The following CRELD1 variants were observed in gnomAD, a reference collection of about 807,000 sequenced individuals.
CRELD1 encodes CRELD disulfide isomerase 1.
CRELD1 carries 42 observed loss-of-function variants against 58.2 expected under a neutral mutation model. That is an observed-to-expected ratio of 0.72 (90% CI 0.56 to 0.93). The LOEUF (loss-of-function observed/expected upper bound fraction) is 0.93. CRELD1 is among the 40% of genes least tolerant of loss of function. The probability of loss-of-function intolerance (pLI) is 0.00; values close to 1 mark genes in which losing one functional copy is unlikely to be tolerated. For synonymous variants in CRELD1, 222 were observed against 202.0 expected, an observed-to-expected ratio of 1.10 and a Z score of -0.84; for missense variants, 500 against 540.6, an observed-to-expected ratio of 0.92 and a Z score of 0.74.
intron 5 of CRELD1, among the ~76,000 whole-genome samples, chr3:9,940,528 CGTG>C (rs2085331076): frequency 6.6e-6 from 1 of 151,646 alleles, no homozygotes; most frequent in Non-Finnish European, 1.5e-5. Flanking sequence ...ACCAGTCAGG[CGTG>C]GTGGCGCGCG....
At chr3:9,939,644 T>G (rs1200701524) in intron 5 of CRELD1, among the ~76,000 whole-genome samples, 1 of 152,228 alleles carries the variant, frequency 6.6e-6, no homozygotes, top group African/African-American at 2.4e-5. Flanking sequence ...AGCACAGGGT[T>G]GGGGATAAGG....
Position 9,937,769 on chromosome 3 carries a change from C to A in CRELD1, c.368+97C>A, listed in dbSNP as rs149631051. The stretch of plus-strand genomic sequence containing the variant: ...GAAGCAGGGGGGTGCATGCTGGGGC[C>A]CATGTCCTGGTTGTGCTCCTTCCAA... On this transcript the variant is annotated intron_variant, in intron 4 of 10. Coordinates refer to ENST00000452070, the MANE Select transcript of CRELD1 (RefSeq NM_001077415.3). The A allele has an allele frequency of 9.8e-3, 8,939 of 907,630 alleles. 53 individuals are homozygous for A. The highest frequency in any genetic ancestry group is 0.012 in the Non-Finnish European group (6,549 of 561,310). 56.2% of individuals were successfully genotyped at this position (907,630 alleles called of 1,614,324 possible).
intron 7 of CRELD1, among the ~76,000 whole-genome samples, chr3:9,942,271 C>CA (rs374647905): frequency 0.056 from 6,360 of 114,416 alleles, 233 homozygotes; most frequent in African/African-American, 0.12. Context: ...AACTCCATCT[C>CA]AAAAAAAAAA....
At position 9,941,492 on chromosome 3, in the gene CRELD1, C is replaced by T. The variant is rs377330444; in HGVS notation, c.733+286C>T. On this transcript the variant is annotated intron_variant, in intron 7 of 10. Transcript: ENST00000452070. ...GAGGAGGCGTTACTTTGGCCAAGTC[C>T]TAAAAATTGAGGAAGGGGCTGGGCG... 2.6e-4 allele frequency among the ~76,000 whole-genome samples: 39 copies of T among 152,142 alleles called. 1 individual carries two copies. Among genetic ancestry groups the T allele is most frequent in the East Asian group, 9.6e-4 (5 of 5,182 alleles).
At chr3:9,941,599 G>A (rs900766579) in intron 7 of CRELD1, among the ~76,000 whole-genome samples, 4 of 151,954 alleles carry the variant, frequency 2.6e-5, no homozygotes, top group African/African-American at 7.3e-5. Flanking sequence ...GACCATCCTG[G>A]CTAACATGGT....
rs377654613 is a variant in CRELD1, at chr3:9,938,093, G to T, written c.447G>T (p.Gly149=). The change falls in exon 5 of 11, where the codon GGG becomes GGT. Residue 149 remains glycine, a synonymous_variant. Transcript: ENST00000452070. ...LKLCCPAGTF[G]PSCLPCPGGT... is the part of the protein sequence containing the mutation. ...TCTGCTGCCCCGCAGGCACCTTCGGGCCCTCCTGCCTTCGTGAGTTTTTAA... is the reference window on the plus strand; with the variant it reads ...TCTGCTGCCCCGCAGGCACCTTCGGTCCCTCCTGCCTTCGTGAGTTTTTAA... The T allele has an allele frequency of 1.5e-5, 24 of 1,613,550 alleles. No homozygotes were observed. The highest frequency in any genetic ancestry group is 2.0e-5 in the Non-Finnish European group (24 of 1,179,934).
intron 7 of CRELD1, 51 bp downstream of exon 7, chr3:9,941,257 G>C (rs575982195): frequency 1.3e-6 from 2 of 1,518,222 alleles, no homozygotes; most frequent in African/African-American, 1.4e-5. Flanking sequence ...GCCTGGGCTT[G>C]GTCCTTTATT....
In CRELD1 at chr3:9,934,341, CACCTTAGAACAG is replaced by C; in HGVS notation, c.-19-73_-19-62del. The C allele has an allele frequency of 2.6e-6, 3 of 1,137,350 alleles. No homozygotes were observed. In the South Asian group the frequency reaches 3.7e-5, roughly 14 times the overall value. 70.5% of individuals were successfully genotyped at this position (1,137,350 alleles called of 1,614,324 possible). On this transcript the variant is annotated intron_variant, in intron 1 of 10. Transcript: ENST00000452070. ...AATAACGCAGATCCCAGCGCCACGG[CACCTTAGAACAG>C]ACCTTTTTCTTTCTCGCGTGGGGCC...
rs756069922 is a variant in CRELD1 at position 9,943,511 on chromosome 3, C to A, written c.1044C>A (p.Ile348=). Residue 348 remains isoleucine, a synonymous_variant, in exon 10 of 11, where the codon ATC becomes ATA. Transcript: ENST00000452070. ...AAGGCATCTGTGTGAAGGAGCAGAT[C>A]CCAGGTGAGCCCTGGGGCGGGAGAG... ...QMEGICVKEQ[I]PESAGFFSEM... 1.2e-6 allele frequency: 2 copies of A among 1,613,998 alleles called. No individual in the cohort carries two copies. The highest frequency in any genetic ancestry group is 1.1e-5 in the South Asian group (1 of 91,080).
At chr3:9,943,230 G>C (rs2085418842) in intron 9 of CRELD1, 58 bp downstream of exon 9, 1 of 1,588,840 alleles carries the variant, frequency 6.3e-7, no homozygotes, top group Admixed American at 1.7e-5. Flanking sequence ...AGCATGAATG[G>C]TGAAGAGGCT....
intron 5 of CRELD1, among the ~76,000 whole-genome samples, chr3:9,938,924 T>G (rs1559336273): frequency 6.6e-6 from 1 of 151,678 alleles, no homozygotes; most frequent in Non-Finnish European, 1.5e-5. Context: ...TTTGGGAGGC[T>G]GAGGCAGGAG....
chr3:9,937,107 A>G (rs2085216428), intron 3 of CRELD1, among the ~76,000 whole-genome samples: 1 of 152,158 alleles, frequency 6.6e-6, no homozygotes, highest in Non-Finnish European at 1.5e-5. Context: ...TGGCAATTCC[A>G]TGTTTTACTT....
chr3:9,939,121 G>A (rs1215623947), intron 5 of CRELD1, among the ~76,000 whole-genome samples: 1 of 151,104 alleles, frequency 6.6e-6, no homozygotes, highest in Non-Finnish European at 1.5e-5. Context: ...CTGGGAAACA[G>A]AGCGAGACCC....
In CRELD1 at chr3:9,944,543, T is replaced by C; in HGVS notation, c.1227T>C (p.Ser409=). Residue 409 remains serine, a synonymous_variant, in exon 11 of 11, where the codon AGT becomes AGC. Transcript: ENST00000452070. The part of the protein sequence containing the change: ...AMTGYWLSER[S]DRVLEGFIKG... ...CTGGCTACTGGTTGTCAGAGCGCAG[T>C]GACCGTGTGCTGGAGGGCTTCATCA... The C allele has an allele frequency of 6.2e-7, 1 of 1,610,978 alleles. No homozygotes were observed. Among genetic ancestry groups the C allele is most frequent in the Non-Finnish European group, 8.5e-7 (1 of 1,179,962 alleles).
In CRELD1 at chr3:9,944,531, G is replaced by A; in HGVS notation, c.1215G>A (p.Leu405=). 1.2e-6 allele frequency: 2 copies of A among 1,611,846 alleles called. No homozygotes were observed. The highest frequency in any genetic ancestry group is 1.7e-6 in the Non-Finnish European group (2 of 1,180,004). The change falls in exon 11 of 11, where the codon TTG becomes TTA. Residue 405 remains leucine (L), a synonymous_variant. Coordinates refer to ENST00000452070, the MANE Select transcript of CRELD1 (RefSeq NM_001077415.3). The part of the protein sequence containing the change: ...GAVAAMTGYW[L]SERSDRVLEG... ...TGGCGGCCATGACTGGCTACTGGTTGTCAGAGCGCAGTGACCGTGTGCTGG... is the reference window on the plus strand; with the variant it reads ...TGGCGGCCATGACTGGCTACTGGTTATCAGAGCGCAGTGACCGTGTGCTGG...
At chr3:9,934,350 ACAGACCTTTTTCTTTCTCGCG>A in intron 1 of CRELD1, 49 bp from the exon 2 acceptor site, 1 of 1,261,308 alleles carries the variant, frequency 7.9e-7, no homozygotes, top group Admixed American at 1.7e-5. Flanking sequence ...GCACCTTAGA[ACAGACCTTTTTCTTTCTCGCG>A]TGGGGCCTGA....
chr3:9,943,187 G>T lies in CRELD1; in HGVS notation c.913+15G>T. On this transcript the variant is annotated intron_variant, in intron 9 of 10. Transcript: ENST00000452070. Reference sequence around the variant, plus strand: ...CAAGTGTCTCGGTGAGTCTCCTGCTGATGGGACACAGGCACCTGGGAGTGC... The same window carrying T: ...CAAGTGTCTCGGTGAGTCTCCTGCTTATGGGACACAGGCACCTGGGAGTGC... 1 of 1,609,384 alleles carries T rather than the reference G, an allele frequency of 6.2e-7. No homozygotes were observed. The highest frequency in any genetic ancestry group is 2.2e-5 in the East Asian group (1 of 44,840).
intron 8 of CRELD1, 67 bp downstream of exon 8, chr3:9,942,963 C>T (rs895694275): frequency 8.4e-6 from 13 of 1,545,870 alleles, no homozygotes; most frequent in Admixed American, 1.7e-5. Context: ...ACACCTGTCC[C>T]TCCAAACCTT....
intron 3 of CRELD1, 33 bp from the exon 4 acceptor site, chr3:9,937,529 A>G: frequency 6.9e-7 from 1 of 1,456,012 alleles, no homozygotes; most frequent in South Asian, 1.2e-5. Context: ...GGGGTGGGGC[A>G]TGTTTCCCAC....
Sources: allele counts gnomAD v4.1 joint callset (sites outside exome capture counted in the v4.1 genomes callset), GRCh38; gene constraint gnomAD v4.1.1; transcripts MANE v1.5; gene names NCBI Gene and HGNC (gene_info 2026-07-23, HGNC 2026-07-21).